KIF15: variants seen among roughly 807,000 people sequenced by gnomAD.
The protein encoded by KIF15 is kinesin-like protein KIF15.
Under a neutral mutation model 190.6 loss-of-function variants are expected in KIF15, and 140 were observed. That is an observed-to-expected ratio of 0.73 (90% CI 0.64 to 0.84). KIF15 has a LOEUF of 0.84. Among genes scored for constraint, KIF15 ranks in the 40% least tolerant of loss-of-function variants. KIF15 has a pLI of 0.00. For synonymous variants in KIF15, 528 were observed against 551.3 expected (o/e 0.96, Z 0.59); for missense variants, 1,372 against 1,584.4 (o/e 0.87, Z 2.28).
At chr3:44,856,129 G>A (rs139255919), downstream of KIF15, among the ~76,000 whole-genome samples, 7 of 152,150 alleles carry the variant, frequency 4.6e-5, no homozygotes, top group South Asian at 2.1e-4. Context: ...GAATTATGGC[G>A]GACAAAAGGG....
At chr3:44,846,996 G>A (rs1232385184) in intron 30 of KIF15, among the ~76,000 whole-genome samples, 4 of 152,146 alleles carry the variant, frequency 2.6e-5, no homozygotes, top group African/African-American at 9.7e-5. Flanking sequence ...CAATAGCTAA[G>A]TTGAATAGCT....
Position 44,830,971 on chromosome 3 carries a change from G to T in KIF15, c.3124G>T (p.Asp1042Tyr). Reference protein sequence around the residue: ...LIKKQEVDILDLKETLRLRIL... With the variant: ...LIKKQEVDILYLKETLRLRIL... ...CAAGAAGCAGGAAGTGGATATTCTG[G>T]ATCTGAAAGAAACCCTTAGGCTGAG... The change falls in exon 26 of 35, where the codon GAT becomes TAT. Residue 1042 changes from aspartate (D) to tyrosine (Y), a missense_variant. Physicochemically the swap from Asp to Tyr is radical, Grantham distance 160. Coordinates refer to ENST00000326047, the MANE Select transcript of KIF15 (RefSeq NM_020242.3). 6.2e-7 allele frequency: 1 copy of T among 1,613,992 alleles called. No homozygotes were observed. Among genetic ancestry groups the T allele is most frequent in the Non-Finnish European group, 8.5e-7 (1 of 1,179,946 alleles).
intron 19 of KIF15, among the ~76,000 whole-genome samples, chr3:44,814,168 T>C (rs1707925908): frequency 6.6e-6 from 1 of 152,248 alleles, no homozygotes; most frequent in African/African-American, 2.4e-5. Flanking sequence ...CTATTTGCAG[T>C]TGTAGTTGTC....
At chr3:44,826,889 G>T (rs9849390) in intron 22 of KIF15, 32,633 of 367,400 alleles carry the variant, frequency 0.089, 1,679 homozygotes, top group Non-Finnish European at 0.11. Context: ...TAGTCTCAGT[G>T]AATCTTTGGG....
At chr3:44,859,959 C>CA (rs1178631591) in intron 6 of KIF15, among the ~76,000 whole-genome samples, 2 of 152,174 alleles carry the variant, frequency 1.3e-5, no homozygotes, top group African/African-American at 4.8e-5. Flanking sequence ...CTGAGGATGG[C>CA]ATCACTTCAG....
intron 11 of KIF15, 143 bp downstream of exon 11, chr3:44,800,580 CAT>C (rs1318829802): frequency 1.3e-6 from 1 of 763,926 alleles, no homozygotes; most frequent in Admixed American, 2.9e-5. Flanking sequence ...TATATAGGAA[CAT>C]AGTGGTTTGT....
intron 6 of KIF15, chr3:44,861,908 C>T (rs747201460): frequency 6.7e-6 from 10 of 1,484,062 alleles, no homozygotes; most frequent in African/African-American, 1.5e-5. Context: ...GTGCCAGGCA[C>T]GGTGTCAGCA....
chr3:44,848,423 A>T (rs1172571375), intron 31 of KIF15, 98 bp from the exon 32 acceptor site: 5 of 624,836 alleles, frequency 8.0e-6, no homozygotes, highest in African/African-American at 7.6e-5. Context: ...TTTTATTCAC[A>T]TGAAGGAGAA....
intron 6 of KIF15, chr3:44,864,015 G>C: frequency 1.6e-6 from 1 of 607,748 alleles, no homozygotes; most frequent in Non-Finnish European, 2.9e-6. Context: ...TTGTAAGATG[G>C]GTCTGCTGCC....
At chr3:44,784,330 G>A (rs2125915098) in intron 5 of KIF15, among the ~76,000 whole-genome samples, 1 of 151,890 alleles carries the variant, frequency 6.6e-6, no homozygotes, top group Admixed American at 6.5e-5. Flanking sequence ...CCGCTACCAC[G>A]CCCGGCTACT....
At chr3:44,858,032 T>C (rs2125736617), downstream of KIF15, among the ~76,000 whole-genome samples, 1 of 152,216 alleles carries the variant, frequency 6.6e-6, no homozygotes, top group South Asian at 2.1e-4. Flanking sequence ...AAGTAATGAG[T>C]GCTGTCCCTG....
In KIF15 at chr3:44,801,839, G is replaced by T; in HGVS notation, c.1374G>T (p.Met458Ile). The T allele has an allele frequency of 6.2e-7, 1 of 1,611,472 alleles. No individual in the cohort carries two copies. Among genetic ancestry groups the T allele is most frequent in the Non-Finnish European group, 8.5e-7 (1 of 1,177,900 alleles). ...KKEKFIQSNK[M>I]IVKFREDQII... The stretch of plus-strand genomic sequence containing the variant: ...AAAAATTTATTCAATCTAATAAAAT[G>T]ATTGTGAAATTCCGAGAGGATCAAA... Residue 458 changes from methionine to isoleucine, a missense_variant, in exon 13 of 35, where the codon ATG (methionine) becomes ATT (isoleucine). By Grantham distance (10) the Met-to-Ile change is conservative. Transcript: ENST00000326047.
downstream of KIF15, among the ~76,000 whole-genome samples, chr3:44,857,685 T>C (rs1308457924): frequency 6.6e-6 from 1 of 152,210 alleles, no homozygotes; most frequent in African/African-American, 2.4e-5. Flanking sequence ...AAACCAGGTA[T>C]CCAAAGTCGA....
chr3:44,810,864 A>C lies in KIF15; in HGVS notation c.1990A>C (p.Lys664Gln). 1 of 1,613,380 alleles carries C rather than the reference A, an allele frequency of 6.2e-7. No individual in the cohort carries two copies. Among genetic ancestry groups the C allele is most frequent in the Non-Finnish European group, 8.5e-7 (1 of 1,179,822 alleles). Residue 664 changes from lysine to glutamine, a missense_variant, in exon 17 of 35, where the codon AAG becomes CAG. By Grantham distance (53) the Lys-to-Gln change is moderately conservative (BLOSUM62 1). Transcript: ENST00000326047. ...GCTGCAGATTATAACTACACCAACCAAGGCCTACCAACTTCATTCCCGACC... is the reference window on the plus strand; with the variant it reads ...GCTGCAGATTATAACTACACCAACCCAGGCCTACCAACTTCATTCCCGACC... ...ETLKIITTPT[K>Q]AYQLHSRPVP... is the part of the protein sequence containing the mutation.
intron 20 of KIF15, among the ~76,000 whole-genome samples, chr3:44,824,011 G>A (rs1484339950): frequency 6.6e-6 from 1 of 152,098 alleles, no homozygotes; most frequent in Non-Finnish European, 1.5e-5. Context: ...GCCCTCCGTG[G>A]TCTGCACCCA....
At chr3:44,822,098 G>A (rs902829681) in intron 20 of KIF15, among the ~76,000 whole-genome samples, 44 of 152,310 alleles carry the variant, frequency 2.9e-4, no homozygotes, top group Non-Finnish European at 4.1e-4. Flanking sequence ...TCTTCCTAGC[G>A]TCGATGGTCT....
chr3:44,789,497 C>T (rs1195650309), intron 7 of KIF15, among the ~76,000 whole-genome samples: 1 of 151,142 alleles, frequency 6.6e-6, no homozygotes, highest in African/African-American at 2.4e-5. Context: ...GTCATGTGTG[C>T]TTGAGAAGAA....
chr3:44,860,439 C>A (rs139444709), intron 6 of KIF15, among the ~76,000 whole-genome samples: 1 of 152,096 alleles, frequency 6.6e-6, no homozygotes, highest in African/African-American at 2.4e-5. Flanking sequence ...GGTGCAATTT[C>A]GGCTCACTGC....
chr3:44,850,925 T>G (rs1182196672), intron 32 of KIF15, among the ~76,000 whole-genome samples: 2 of 152,224 alleles, frequency 1.3e-5, no homozygotes, highest in African/African-American at 4.8e-5. Context: ...GGTGTAATAA[T>G]ACATCATTTC....
Sources: allele counts gnomAD v4.1 joint callset (sites outside exome capture counted in the v4.1 genomes callset), GRCh38; gene constraint gnomAD v4.1.1; transcripts MANE v1.5; gene names NCBI Gene and HGNC (gene_info 2026-07-23, HGNC 2026-07-21).